The following CPEB3 variants were observed in gnomAD, a reference collection of about 807,000 sequenced individuals.
CPEB3 encodes cytoplasmic polyadenylation element-binding protein 3.
In CPEB3, 20 loss-of-function variants were observed where a neutral mutation model predicts 67.2. The observed-to-expected ratio is 0.30, with a 90% CI of 0.21 to 0.43. The LOEUF is 0.43. CPEB3 is among the 20% of genes least tolerant of loss of function. The pLI is 1.00. For missense variants in CPEB3, 746 were observed against 968.6 expected, an observed-to-expected ratio of 0.77 and a Z score of 3.05; for synonymous variants, 376 against 393.1, an observed-to-expected ratio of 0.96 and a Z score of 0.51.
intron 6 of CPEB3, among the ~76,000 whole-genome samples, chr10:92,115,798 A>G (rs1230583201): frequency 6.6e-6 from 1 of 152,172 alleles, no homozygotes; most frequent in Non-Finnish European, 1.5e-5. Context: ...ATTTAAAATA[A>G]TATCTCTCAC....
intron 1 of CPEB3, among the ~76,000 whole-genome samples, chr10:92,269,427 T>C (rs1426583966): frequency 2.0e-5 from 3 of 152,158 alleles, no homozygotes; most frequent in Non-Finnish European, 2.9e-5. Flanking sequence ...ACCATGAATA[T>C]AGAGTATTTT....
At chr10:92,211,254 T>C (rs1361859118) in intron 2 of CPEB3, among the ~76,000 whole-genome samples, 2 of 152,204 alleles carry the variant, frequency 1.3e-5, no homozygotes, top group African/African-American at 4.8e-5. Context: ...CAATACCTAC[T>C]GGAAGTGAAG....
In CPEB3 at chr10:92,239,697, G is replaced by A. The variant is rs1851727605; in HGVS notation, c.654C>T (p.Ser218=). 6.4e-7 allele frequency: 1 copy of A among 1,571,374 alleles called. No homozygotes were observed. Among genetic ancestry groups the A allele is most frequent in the African/African-American group, 1.4e-5 (1 of 73,910 alleles). ...AAYGHQPIMT[S]KPSSSSAVAA... is the part of the protein sequence containing the mutation. The stretch of plus-strand genomic sequence containing the variant: ...CAACCGCCGAAGACGAGGACGGCTT[G>A]CTGGTCATGATGGGCTGGTGGCCGT... Residue 218 remains serine, a synonymous_variant, in exon 2 of 10, where the codon AGC becomes AGT. Coordinates refer to ENST00000265997, the MANE Select transcript of CPEB3 (RefSeq NM_014912.5). This position sits in a 1 kb window ranked among gnomAD's most constrained non-coding sequence, Gnocchi z 6.0.
intron 3 of CPEB3, among the ~76,000 whole-genome samples, chr10:92,186,208 C>CA (rs1353287748): frequency 0.035 from 1,548 of 44,194 alleles, 36 homozygotes; most frequent in African/African-American, 0.1. Flanking sequence ...CCTGTCTCCA[C>CA]AAAAAAAAAA....
At chr10:92,096,804 G>T (rs1041128889) in intron 7 of CPEB3, among the ~76,000 whole-genome samples, 2 of 152,138 alleles carry the variant, frequency 1.3e-5, no homozygotes, top group Non-Finnish European at 2.9e-5. Context: ...TTAGCTGGGC[G>T]TGGTGGCAGG....
chr10:92,216,427 C>A (rs1850397766), intron 2 of CPEB3: 1 of 1,612,336 alleles, frequency 6.2e-7, no homozygotes, highest in Non-Finnish European at 8.5e-7. Context: ...TCAACCAGAA[C>A]CCCATCGCGC....
chr10:92,059,952 C>CAA (rs557616121), intron 9 of CPEB3, among the ~76,000 whole-genome samples: 48 of 60,766 alleles, frequency 7.9e-4, no homozygotes, highest in African/African-American at 2.1e-3. Flanking sequence ...CGAGACTCCT[C>CAA]AAAAAAAAAA....
Position 92,239,611 on chromosome 10 carries a change from C to T in CPEB3, c.740G>A (p.Ser247Asn), listed in dbSNP as rs962205523. ...CGGTGCGCTCCAGGCTGCATTCACG[C>T]TTTGGTGCGTGTTCCAGCTGGACGA... is the stretch of plus-strand genomic sequence containing the variant. ...SASSSWNTHQSVNAAWSAPSN... is the reference protein window; with the variant it reads ...SASSSWNTHQNVNAAWSAPSN... Residue 247 changes from serine to asparagine, a missense_variant, in exon 2 of 10, where the codon AGC becomes AAC. Ser to Asn is a conservative substitution (Grantham distance 46). Around this residue, in one of 2 missense-constraint regions of CPEB3, gnomAD observed 643 missense variants for 717.5 expected, o/e 0.90. Transcript: ENST00000265997. The surrounding 1 kb of genome is among the most constrained non-coding windows in gnomAD (Gnocchi z 6.0). 6.4e-7 allele frequency: 1 copy of T among 1,556,936 alleles called. No individual in the cohort carries two copies. The highest frequency in any genetic ancestry group is 1.9e-5 in the Admixed American group (1 of 51,408).
chr10:92,189,094 A>C (rs980147655), intron 3 of CPEB3, among the ~76,000 whole-genome samples: 6 of 152,220 alleles, frequency 3.9e-5, no homozygotes, highest in Admixed American at 3.3e-4. Context: ...TCTAAGATAA[A>C]ATATTATTGT....
In CPEB3 at chr10:92,192,614, G is replaced by A; in HGVS notation, c.1028C>T (p.Thr343Ile). The change falls in exon 3 of 10, where the codon ACT (threonine) becomes ATT (isoleucine). Residue 343 changes from threonine to isoleucine, a missense_variant. Thr to Ile is a moderately conservative substitution (Grantham distance 89, BLOSUM62 -1). Coordinates refer to ENST00000265997, the MANE Select transcript of CPEB3 (RefSeq NM_014912.5). ...PFQDRSRPYD[T>I]FNLHSLENSL... ...GTTCTCCAACGAGTGCAAGTTAAAA[G>A]TATCATAGGGCCTACTCCGGTCCTA... is the stretch of plus-strand genomic sequence containing the variant. 4 of 1,610,698 alleles carry A rather than the reference G, an allele frequency of 2.5e-6. No homozygotes were observed. Among genetic ancestry groups the A allele is most frequent in the Non-Finnish European group, 3.4e-6 (4 of 1,178,498 alleles).
chr10:92,103,248 A>C (rs79766714), intron 7 of CPEB3, among the ~76,000 whole-genome samples: 6 of 152,222 alleles, frequency 3.9e-5, no homozygotes. Context: ...AGAATTATCT[A>C]GTGTTCATCA....
chr10:92,215,009 G>C (rs1850279663), intron 2 of CPEB3, among the ~76,000 whole-genome samples: 1 of 150,794 alleles, frequency 6.6e-6, no homozygotes, highest in Non-Finnish European at 1.5e-5. Flanking sequence ...CACCATATCT[G>C]GCTAATTTTT....
chr10:92,178,951 G>C (rs1848347684), intron 4 of CPEB3, among the ~76,000 whole-genome samples: 2 of 152,052 alleles, frequency 1.3e-5, no homozygotes, highest in Non-Finnish European at 2.9e-5. Flanking sequence ...CTGGTTGTTC[G>C]TATGGTTTAT....
At chr10:92,193,883 G>A (rs1177967141) in intron 2 of CPEB3, among the ~76,000 whole-genome samples, 4 of 149,150 alleles carry the variant, frequency 2.7e-5, no homozygotes, top group Non-Finnish European at 5.9e-5. Flanking sequence ...TGCAAGCTCC[G>A]CCTCCTGGGT....
chr10:92,115,733 C>T (rs192668514), intron 6 of CPEB3, among the ~76,000 whole-genome samples: 189 of 152,120 alleles, frequency 1.2e-3, no homozygotes, highest in Middle Eastern at 3.4e-3. Context: ...CTGATTGTTG[C>T]GTAATTTATA....
intron 2 of CPEB3, among the ~76,000 whole-genome samples, chr10:92,232,217 T>A (rs1265325841): frequency 6.9e-6 from 1 of 145,906 alleles, no homozygotes; most frequent in Non-Finnish European, 1.5e-5. Flanking sequence ...CACACCCAGC[T>A]AATATTTGTA....
intron 9 of CPEB3, among the ~76,000 whole-genome samples, chr10:92,067,820 A>G (rs1001950712): frequency 1.3e-5 from 2 of 152,210 alleles, no homozygotes; most frequent in African/African-American, 4.8e-5. Context: ...CTCCATCTCG[A>G]AAAAATAAAT....
chr10:92,231,306 G>A (rs770834116), intron 2 of CPEB3, among the ~76,000 whole-genome samples: 5 of 152,006 alleles, frequency 3.3e-5, no homozygotes, highest in Non-Finnish European at 5.9e-5. Flanking sequence ...TTTAACTTTG[G>A]ACTACTGAAT....
At chr10:92,170,730 G>C (rs1024556472) in intron 4 of CPEB3, among the ~76,000 whole-genome samples, 1 of 152,106 alleles carries the variant, frequency 6.6e-6, no homozygotes, top group African/African-American at 2.4e-5. Flanking sequence ...AAAGAAAGAA[G>C]AAAGTTCTAA....
Sources: allele counts gnomAD v4.1 joint callset (sites outside exome capture counted in the v4.1 genomes callset), GRCh38; gene constraint gnomAD v4.1.1; regional missense constraint gnomAD v4.1.1; non-coding constraint Gnocchi (gnomAD v3.1); transcripts MANE v1.5; gene names NCBI Gene and HGNC (gene_info 2026-07-23, HGNC 2026-07-21).